PDGFRA: variants seen among roughly 807,000 people sequenced by gnomAD.
PDGFRA encodes platelet-derived growth factor receptor alpha.
Under a neutral mutation model 121.5 loss-of-function variants are expected in PDGFRA, and 25 were observed. The observed-to-expected ratio is 0.21, with a 90% CI of 0.15 to 0.29. The LOEUF (loss-of-function observed/expected upper bound fraction) is 0.29. PDGFRA is among the 10% of genes least tolerant of loss of function. The pLI, the probability that PDGFRA is intolerant of heterozygous loss-of-function variation, is 1.00. For missense variants in PDGFRA, 1,008 were observed against 1,345.1 expected (o/e 0.75, Z 3.92); for synonymous variants, 463 against 494.8 (o/e 0.94, Z 0.85).
intron 22 of PDGFRA, among the ~76,000 whole-genome samples, chr4:54,291,148 AGTATTC>A: frequency 6.6e-6 from 1 of 152,308 alleles, no homozygotes; most frequent in East Asian, 1.9e-4. Context: ...TGAGCTGTTC[AGTATTC>A]GTCACCCAGC....
intron 3 of PDGFRA, among the ~76,000 whole-genome samples, chr4:54,263,072 C>T (rs1722841911): frequency 6.6e-6 from 1 of 152,136 alleles, no homozygotes; most frequent in Admixed American, 6.5e-5. Flanking sequence ...CCTTCTCCTT[C>T]TTTAAATTTT....
At position 54,286,350 on chromosome 4, in the gene PDGFRA, TATTTATTTA is replaced by T. The variant is rs1213154335; in HGVS notation, c.2562+388_2562+396del. On this transcript the variant is annotated intron_variant, in intron 18 of 22. Coordinates refer to ENST00000257290, the MANE Select transcript of PDGFRA (RefSeq NM_006206.6). ...TTATTTATTTATTTATTTATTTATT[TATTTATTTA>T]TTTTCTTTTTTTTTGAGACAGAGTC... Among the ~76,000 whole-genome samples the T allele has an allele frequency of 3.4e-4, 52 of 151,364 alleles. 1 individual carries two copies. Among genetic ancestry groups the T allele is most frequent in the African/African-American group, 1.1e-3 (46 of 41,302 alleles).
Position 54,298,156 on chromosome 4 carries a change from G to A in PDGFRA, c.*2884G>A, listed in dbSNP as rs1724968727. 4.7e-6 allele frequency: 1 copy of A among 212,676 alleles called. No individual in the cohort carries two copies. The highest frequency in any genetic ancestry group is 7.1e-5 in the East Asian group (1 of 14,088). 13.2% of individuals were successfully genotyped at this position (212,676 alleles called of 1,614,324 possible). A position where few individuals can be genotyped will look rare whatever the true frequency, so the allele number is the denominator to read the frequency against. On this transcript the variant is annotated 3_prime_UTR_variant, in exon 23 of 23. Transcript: ENST00000257290. The stretch of plus-strand genomic sequence containing the variant: ...TTGATAGGGTCTACCAATACAAAAT[G>A]TATTACGAATGCCCCTGTTCATGTT...
At chr4:54,282,324 G>T (rs1724121831) in intron 16 of PDGFRA, among the ~76,000 whole-genome samples, 1 of 152,132 alleles carries the variant, frequency 6.6e-6, no homozygotes, top group African/African-American at 2.4e-5. Flanking sequence ...TCAGTTTTTG[G>T]AGAGGCCTCA....
rs961651562 is a variant in PDGFRA, at chr4:54,296,728, G to A, written c.*1456G>A. ...GCCAGTTTTCGGAAACACTGACTTA[G>A]GTTTCAGGAAGTTGCCATGGGAAAC... On this transcript the variant is annotated 3_prime_UTR_variant, in exon 23 of 23. Transcript: ENST00000257290. 1.3e-5 allele frequency: 3 copies of A among 232,808 alleles called. No individual in the cohort carries two copies. Among genetic ancestry groups the A allele is most frequent in the Non-Finnish European group, 2.5e-5 (3 of 117,872 alleles). 14.4% of individuals were successfully genotyped at this position (232,808 alleles called of 1,614,324 possible).
Position 54,295,197 on chromosome 4 carries a change from G to T in PDGFRA, c.3195G>T (p.Glu1065Asp). Residue 1065 changes from glutamate (E) to aspartate (D), a missense_variant, in exon 23 of 23, where the codon GAG becomes GAT. Glu to Asp is a conservative substitution (Grantham distance 45). Transcript: ENST00000257290. ...CCACCTTCATCAAGAGAGAGGACGA[G>T]ACCATTGAAGACATCGACATGATGG... ...SSSTFIKRED[E>D]TIEDIDMMDD... 6.2e-7 allele frequency: 1 copy of T among 1,613,694 alleles called. No homozygotes were observed. Among genetic ancestry groups the T allele is most frequent in the Non-Finnish European group, 8.5e-7 (1 of 1,179,604 alleles).
intron 1 of PDGFRA, among the ~76,000 whole-genome samples, chr4:54,251,777 G>T (rs1722065593): frequency 6.6e-6 from 1 of 152,130 alleles, no homozygotes; most frequent in Non-Finnish European, 1.5e-5. Flanking sequence ...GTATTTGCAG[G>T]CACAGATAAA....
chr4:54,233,176 C>G (rs1049369432), intron 1 of PDGFRA, among the ~76,000 whole-genome samples: 13 of 151,908 alleles, frequency 8.6e-5, no homozygotes, highest in African/African-American at 3.1e-4. Flanking sequence ...CAGAGCGCGG[C>G]GCGCAGGGGC....
At chr4:54,233,359 C>T (rs1720809249) in intron 1 of PDGFRA, among the ~76,000 whole-genome samples, 2 of 152,242 alleles carry the variant, frequency 1.3e-5, no homozygotes, top group Admixed American at 6.5e-5. Context: ...GCAGAGCCTC[C>T]CGGGCGAAGT....
At chr4:54,284,165 G>A (rs112451938) in intron 16 of PDGFRA, among the ~76,000 whole-genome samples, 7 of 152,106 alleles carry the variant, frequency 4.6e-5, no homozygotes, top group African/African-American at 1.7e-4. Flanking sequence ...ATTTTCATCC[G>A]AGACCTTGGC....
In PDGFRA at chr4:54,295,316, G is replaced by A. The variant is rs1447753223; in HGVS notation, c.*44G>A. 4.4e-6 allele frequency: 7 copies of A among 1,607,236 alleles called. No individual in the cohort carries two copies. Among genetic ancestry groups the A allele is most frequent in the Non-Finnish European group, 6.0e-6 (7 of 1,174,400 alleles). ...TCCTTCCACTTCTGGGGCCACCTCT[G>A]GATCCCGTTCAGAAAACCACTTTAT... On this transcript the variant is annotated 3_prime_UTR_variant, in exon 23 of 23. Transcript: ENST00000257290.
intron 3 of PDGFRA, among the ~76,000 whole-genome samples, chr4:54,263,156 G>T (rs1722844835): frequency 2.0e-5 from 3 of 152,128 alleles, no homozygotes; most frequent in Admixed American, 2.0e-4. Context: ...ACTATAGGTG[G>T]TAAGAGTTTT....
intron 5 of PDGFRA, among the ~76,000 whole-genome samples, chr4:54,266,389 CTTTCTTTTTTT>C (rs1187126008): frequency 6.7e-6 from 1 of 149,430 alleles, no homozygotes; most frequent in East Asian, 2.0e-4. Flanking sequence ...ATTTGTATTT[CTTTCTTTTTTT>C]TTTCTTTTTT....
chr4:54,241,142 C>G (rs1010925527), intron 1 of PDGFRA, among the ~76,000 whole-genome samples: 2 of 152,070 alleles, frequency 1.3e-5, no homozygotes, highest in South Asian at 2.1e-4. Flanking sequence ...AAGATATGCT[C>G]TTAGTGAAAA....
chr4:54,260,927 A>G (rs899948756), intron 2 of PDGFRA, among the ~76,000 whole-genome samples, 168 bp from the exon 3 acceptor site: 2 of 152,132 alleles, frequency 1.3e-5, no homozygotes, highest in African/African-American at 2.4e-5. Context: ...CTCTCAGCAG[A>G]TGCAGTGGCT....
Position 54,261,279 on chromosome 4 carries a change from C to T in PDGFRA, c.234C>T (p.Ser78=), listed in dbSNP as rs770382623. The part of the protein sequence containing the change: ...DVEIRNEENN[S]GLFVTVLEVS... The stretch of plus-strand genomic sequence containing the variant: ...AAATCAGAAATGAAGAAAACAACAG[C>T]GGCCTTTTTGTGACGGTCTTGGAAG... Residue 78 remains serine (S), a synonymous_variant, in exon 3 of 23, where the codon AGC becomes AGT. Coordinates refer to ENST00000257290, the MANE Select transcript of PDGFRA (RefSeq NM_006206.6). The T allele has an allele frequency of 5.6e-6, 9 of 1,613,998 alleles. No homozygotes were observed. Among genetic ancestry groups the T allele is most frequent in the Non-Finnish European group, 5.1e-6 (6 of 1,180,020 alleles).
Position 54,297,764 on chromosome 4 carries a change from G to T in PDGFRA, c.*2492G>T, listed in dbSNP as rs1724946731. 1 of 233,588 alleles carries T rather than the reference G, an allele frequency of 4.3e-6. No individual in the cohort carries two copies. Among genetic ancestry groups the T allele is most frequent in the East Asian group, 6.0e-5 (1 of 16,568 alleles). 14.5% of individuals were successfully genotyped at this position (233,588 alleles called of 1,614,324 possible). ...CTTTCCTACTTTCTATTTTTATGAT[G>T]ACAATCAAAGCCGGCCTGAGAAACA... On this transcript the variant is annotated 3_prime_UTR_variant, in exon 23 of 23. Coordinates refer to ENST00000257290, the MANE Select transcript of PDGFRA (RefSeq NM_006206.6).
At chr4:54,292,522 T>C (rs1378498648) in intron 22 of PDGFRA, among the ~76,000 whole-genome samples, 2 of 148,706 alleles carry the variant, frequency 1.3e-5, no homozygotes, top group African/African-American at 2.5e-5. Flanking sequence ...CTTTCAGGGG[T>C]TGGGGATTGG....
chr4:54,279,883 A>T (rs1186285628), intron 15 of PDGFRA, among the ~76,000 whole-genome samples: 2 of 150,568 alleles, frequency 1.3e-5, no homozygotes, highest in Non-Finnish European at 2.9e-5. Context: ...CCATTAATTC[A>T]TTCCTTTTTA....
Sources: allele counts gnomAD v4.1 joint callset (sites outside exome capture counted in the v4.1 genomes callset), GRCh38; gene constraint gnomAD v4.1.1; transcripts MANE v1.5; gene names NCBI Gene and HGNC (gene_info 2026-07-23, HGNC 2026-07-21).